GOLGA8A: variants seen among roughly 807,000 people sequenced by gnomAD.
GOLGA8A encodes the protein golgin A8 family member A.
GOLGA8A carries 3 observed loss-of-function variants against 22.1 expected under a neutral mutation model. The observed-to-expected ratio is 0.14, with a 90% CI of 0.06 to 0.35. The LOEUF is 0.35. Ranked by LOEUF, GOLGA8A falls within the 10% of genes least tolerant of loss-of-function variation. The pLI is 1.00. For missense variants in GOLGA8A, 16 were observed against 233.2 expected, an observed-to-expected ratio of 0.07 and a Z score of 6.07; for synonymous variants, 7 against 91.7, an observed-to-expected ratio of 0.08 and a Z score of 5.28.
chr15:34,420,518 C>T (rs1199108116), intron 2 of GOLGA8A, among the ~76,000 whole-genome samples: 1 of 144,038 alleles, frequency 6.9e-6, no homozygotes, highest in African/African-American at 2.6e-5. Flanking sequence ...TCACGGGTCA[C>T]TGCAGTGAGG....
intron 2 of GOLGA8A, among the ~76,000 whole-genome samples, chr15:34,424,623 A>G (rs1217404237): frequency 1.5e-5 from 2 of 130,512 alleles, no homozygotes; most frequent in African/African-American, 5.9e-5. Flanking sequence ...ACAAACATGC[A>G]TGAATAAAGC....
At chr15:34,427,255 C>T (rs1280106889) in intron 2 of GOLGA8A, among the ~76,000 whole-genome samples, 2 of 141,796 alleles carry the variant, frequency 1.4e-5, no homozygotes, top group African/African-American at 5.4e-5. Context: ...GGCGTGAACC[C>T]AGGAGGTGGA....
chr15:34,434,734 A>T (rs1893419001), intron 2 of GOLGA8A, among the ~76,000 whole-genome samples: 1 of 149,296 alleles, frequency 6.7e-6, no homozygotes, highest in South Asian at 2.2e-4. Flanking sequence ...CTGGTGAGCA[A>T]GCGTCTCAAA....
At chr15:34,420,487 G>A (rs1210519534) in intron 2 of GOLGA8A, among the ~76,000 whole-genome samples, 2 of 146,420 alleles carry the variant, frequency 1.4e-5, no homozygotes, top group Non-Finnish European at 1.5e-5. Flanking sequence ...GTCCAGCCAG[G>A]TCACGGGCAC....
chr15:34,422,934 A>G (rs1470339883), intron 2 of GOLGA8A, among the ~76,000 whole-genome samples: 60 of 121,972 alleles, frequency 4.9e-4, no homozygotes, highest in African/African-American at 1.7e-3. Context: ...CTCCGCCTCC[A>G]CCGGCTCTGA....
chr15:34,427,330 C>CAAAAA (rs67775520), intron 2 of GOLGA8A, among the ~76,000 whole-genome samples: 6 of 78,842 alleles, frequency 7.6e-5, no homozygotes, highest in Admixed American at 1.3e-4. Context: ...GACTCCGTCA[C>CAAAAA]AAAAAAAAAA....
At chr15:34,397,288 T>C (rs1891890857) in intron 8 of GOLGA8A, among the ~76,000 whole-genome samples, 1 of 146,024 alleles carries the variant, frequency 6.8e-6, no homozygotes, top group Non-Finnish European at 1.5e-5. Context: ...CCCAGCTATA[T>C]ATTTTATTTC....
At position 34,426,191 on chromosome 15, in the gene GOLGA8A, G is replaced by A. The variant is rs897227949; in HGVS notation, c.-1123+9192C>T. Reference sequence around the variant, plus strand: ...AGCATTCTCCGTGAGTGTGAAAAACGGAACAACCCAAAAGTTCAATAAATA... The same window carrying A: ...AGCATTCTCCGTGAGTGTGAAAAACAGAACAACCCAAAAGTTCAATAAATA... On this transcript the variant is annotated intron_variant, in intron 2 of 24. Coordinates refer to ENST00000359187, the MANE Select transcript of GOLGA8A (RefSeq NM_181077.5). Among the ~76,000 whole-genome samples, 21 of 149,238 alleles carry A rather than the reference G, an allele frequency of 1.4e-4. 3 individuals are homozygous for A. The highest frequency in any genetic ancestry group is 4.7e-4 in the Admixed American group (7 of 14,774).
At chr15:34,400,666 T>C (rs1892025031) in intron 6 of GOLGA8A, 46 bp downstream of exon 6, 1 of 145,952 alleles carries the variant, frequency 6.9e-6, no homozygotes, top group Non-Finnish European at 1.5e-5. Flanking sequence ...TTACCCCGTA[T>C]GAATCCATAA....
chr15:34,424,301 G>A (rs1402030080), intron 2 of GOLGA8A, among the ~76,000 whole-genome samples: 2 of 133,432 alleles, frequency 1.5e-5, no homozygotes, highest in Non-Finnish European at 3.2e-5. Flanking sequence ...GAAGCAGAAA[G>A]GCCCTCCTGA....
chr15:34,426,680 C>T (rs2140280818), intron 2 of GOLGA8A, among the ~76,000 whole-genome samples: 1 of 144,824 alleles, frequency 6.9e-6, no homozygotes, highest in Middle Eastern at 3.6e-3. Context: ...CCAAATTCCA[C>T]TGCCAGAAAA....
At chr15:34,429,549 C>T (rs1893134801) in intron 2 of GOLGA8A, among the ~76,000 whole-genome samples, 1 of 148,930 alleles carries the variant, frequency 6.7e-6, no homozygotes, top group South Asian at 2.2e-4. Flanking sequence ...CTCACATCTT[C>T]CAGACTGTGC....
chr15:34,430,910 C>G (rs1343024536), intron 2 of GOLGA8A, among the ~76,000 whole-genome samples: 1 of 149,246 alleles, frequency 6.7e-6, no homozygotes, highest in Non-Finnish European at 1.5e-5. Flanking sequence ...CACGCCTGGC[C>G]CCACTGCACC....
At position 34,380,490 on chromosome 15, in the gene GOLGA8A, C is replaced by T. The variant is rs1182417505; in HGVS notation, c.*921G>A. 4 of 152,228 alleles carry T rather than the reference C, an allele frequency of 2.6e-5. No homozygotes were observed. Among genetic ancestry groups the T allele is most frequent in the Admixed American group, 2.6e-4 (4 of 15,276 alleles). 9.4% of individuals were successfully genotyped at this position (152,228 alleles called of 1,614,324 possible). A position where few individuals can be genotyped will look rare whatever the true frequency, so the allele number is the denominator to read the frequency against. On this transcript the variant is annotated 3_prime_UTR_variant, in exon 25 of 25. Coordinates refer to ENST00000359187, the MANE Select transcript of GOLGA8A (RefSeq NM_181077.5). ...ATGTGATTAAAACAGGGAACACGAACTCTGACTTTAAAATGTATTGTAGAT... is the reference window on the plus strand; with the variant it reads ...ATGTGATTAAAACAGGGAACACGAATTCTGACTTTAAAATGTATTGTAGAT...
intron 12 of GOLGA8A, among the ~76,000 whole-genome samples, chr15:34,386,112 G>A (rs1467281852): frequency 3.4e-5 from 5 of 147,634 alleles, no homozygotes; most frequent in South Asian, 2.1e-4. Flanking sequence ...GAGCACGTAC[G>A]GGCCAGGGAT....
At chr15:34,431,679 T>A (rs1473375744) in intron 2 of GOLGA8A, among the ~76,000 whole-genome samples, 1 of 148,834 alleles carries the variant, frequency 6.7e-6, no homozygotes, top group Non-Finnish European at 1.5e-5. Flanking sequence ...TTTCCATGAA[T>A]GGACCTTCCA....
intron 2 of GOLGA8A, among the ~76,000 whole-genome samples, chr15:34,432,884 A>G (rs1264257997): frequency 6.7e-6 from 1 of 149,088 alleles, no homozygotes; most frequent in African/African-American, 2.5e-5. Flanking sequence ...CTCCCAGGAC[A>G]ATAAGAGAAG....
intron 2 of GOLGA8A, among the ~76,000 whole-genome samples, chr15:34,433,689 C>T (rs1268186264): frequency 6.0e-5 from 9 of 149,318 alleles, no homozygotes; most frequent in African/African-American, 1.7e-4. Context: ...GTGTTTCATT[C>T]ACTCACTCAT....
Position 34,380,549 on chromosome 15 carries a change from C to T in GOLGA8A, c.*862G>A, listed in dbSNP as rs397724973. The T allele has an allele frequency of 2.6e-5, 4 of 152,332 alleles. No homozygotes were observed. The highest frequency in any genetic ancestry group is 4.8e-5 in the African/African-American group (2 of 41,550). 9.4% of individuals were successfully genotyped at this position (152,332 alleles called of 1,614,324 possible). A position where few individuals can be genotyped will look rare whatever the true frequency, so the allele number is the denominator to read the frequency against. ...TCTAAGCTAGGAAAGGTTTTTCACA[C>T]CCACAGCCAATGATGGCAGCCTTTC... On this transcript the variant is annotated 3_prime_UTR_variant, in exon 25 of 25. Transcript: ENST00000359187.
Sources: gnomAD v4.1 joint callset for allele counts (sites outside exome capture counted in the v4.1 genomes callset) on GRCh38, gnomAD v4.1.1 for gene constraint, MANE v1.5 for transcripts, NCBI Gene and HGNC (gene_info 2026-07-23, HGNC 2026-07-21) for gene names.